LTBP1: variants seen among roughly 807,000 people sequenced by gnomAD.
The protein encoded by LTBP1 is latent-transforming growth factor beta-binding protein 1.
A neutral mutation model predicts 207.6 loss-of-function variants in LTBP1; 129 were observed. The observed-to-expected ratio is 0.62, with a 90% confidence interval of 0.54 to 0.72. The LOEUF is 0.72. LTBP1 is among the 30% of genes least tolerant of loss of function. The pLI is 0.00. For synonymous variants in LTBP1, 963 were observed against 833.7 expected (o/e 1.16, Z -2.67); for missense variants, 2,281 against 2,217.2 (o/e 1.03, Z -0.58).
At chr2:33,282,127 T>C (rs1227583327) in intron 19 of LTBP1, among the ~76,000 whole-genome samples, 3 of 151,492 alleles carry the variant, frequency 2.0e-5, no homozygotes, top group Admixed American at 6.6e-5. Context: ...CATTTAAAAC[T>C]AATTTTACTT....
intron 7 of LTBP1, among the ~76,000 whole-genome samples, chr2:33,193,522 A>T (rs1210082661): frequency 6.6e-6 from 1 of 152,160 alleles, no homozygotes; most frequent in African/African-American, 2.4e-5. Context: ...TTACAGGCAC[A>T]CTTTCTTTTA....
intron 3 of LTBP1, among the ~76,000 whole-genome samples, chr2:33,061,983 T>G (rs1366379064): frequency 5.9e-5 from 9 of 152,178 alleles, no homozygotes; most frequent in Non-Finnish European, 1.2e-4. Flanking sequence ...ATTGTCAGTC[T>G]TCTTCATGTT....
At position 32,969,648 on chromosome 2, in the gene LTBP1, C is replaced by T. The variant is rs1411889069; in HGVS notation, c.565+20703C>T. ...TGTAATATTCCATGGTATATACATA[C>T]CACATTTTTTCCTATCTAATCTACT... is the stretch of plus-strand genomic sequence containing the variant. On this transcript the variant is annotated intron_variant, in intron 2 of 33. Coordinates refer to ENST00000404816, the MANE Select transcript of LTBP1 (RefSeq NM_206943.4). Among the ~76,000 whole-genome samples, 3 of 152,112 alleles carry T rather than the reference C, an allele frequency of 2.0e-5. No homozygotes were observed. The South Asian group carries it at 6.2e-4, about 32-fold the overall frequency.
chr2:33,212,248 T>C (rs1159653285), intron 7 of LTBP1, among the ~76,000 whole-genome samples: 1 of 152,226 alleles, frequency 6.6e-6, no homozygotes, highest in Non-Finnish European at 1.5e-5. Flanking sequence ...AGTGCACTGC[T>C]GAATCAAGGC....
chr2:33,148,387 T>A (rs560518092), intron 5 of LTBP1, among the ~76,000 whole-genome samples: 3 of 152,378 alleles, frequency 2.0e-5, no homozygotes, highest in East Asian at 3.9e-4. Flanking sequence ...TTCTCTATGC[T>A]GAACTTGCCT....
intron 26 of LTBP1, among the ~76,000 whole-genome samples, chr2:33,350,116 T>G (rs2094760274): frequency 6.6e-6 from 1 of 152,242 alleles, no homozygotes; most frequent in Admixed American, 6.5e-5. Flanking sequence ...ATAAAAGTTT[T>G]TAGACTAGGA....
intron 3 of LTBP1, among the ~76,000 whole-genome samples, chr2:33,103,546 A>G (rs1475708909): frequency 1.1e-4 from 16 of 150,860 alleles, no homozygotes; most frequent in Non-Finnish European, 5.9e-5. Context: ...GTAATTCCAT[A>G]TGGATGGGGT....
chr2:32,992,642 T>C (rs1684597495), intron 2 of LTBP1, among the ~76,000 whole-genome samples: 1 of 152,172 alleles, frequency 6.6e-6, no homozygotes, highest in South Asian at 2.1e-4. Flanking sequence ...TTCGGCATCT[T>C]AGTCTGAAAA....
intron 8 of LTBP1, among the ~76,000 whole-genome samples, chr2:33,220,726 C>G (rs115983611): frequency 6.6e-6 from 1 of 152,218 alleles, no homozygotes; most frequent in South Asian, 2.1e-4. Context: ...TGCAGGATGC[C>G]TGCTCTAGAG....
At chr2:33,104,855 T>A (rs2079964241) in intron 3 of LTBP1, among the ~76,000 whole-genome samples, 1 of 152,180 alleles carries the variant, frequency 6.6e-6, no homozygotes, top group Non-Finnish European at 1.5e-5. Context: ...AGAGTGGCCC[T>A]TTCTTCTGAC....
At chr2:32,964,465 G>T (rs186194660) in intron 2 of LTBP1, among the ~76,000 whole-genome samples, 2 of 152,016 alleles carry the variant, frequency 1.3e-5, no homozygotes, top group African/African-American at 4.8e-5. Context: ...AAGTAGAAAG[G>T]CATTTTTTCC....
chr2:33,315,063 A>T, intron 23 of LTBP1, 81 bp from the exon 24 acceptor site: 7 of 1,148,760 alleles, frequency 6.1e-6, no homozygotes, highest in Non-Finnish European at 8.6e-6. Context: ...GTCATAATAG[A>T]TTTATTTGCC....
chr2:33,185,879 A>G (rs2087140096), intron 5 of LTBP1, among the ~76,000 whole-genome samples: 1 of 152,202 alleles, frequency 6.6e-6, no homozygotes, highest in South Asian at 2.1e-4. Context: ...AGAAGCTGGA[A>G]GGAAATGGAG....
At chr2:33,287,030 A>G (rs1020976297) in intron 19 of LTBP1, among the ~76,000 whole-genome samples, 1 of 152,250 alleles carries the variant, frequency 6.6e-6, no homozygotes, top group Non-Finnish European at 1.5e-5. Flanking sequence ...ATGTATACAT[A>G]TGTAACAAAC....
chr2:33,232,020 A>C (rs1427014228), intron 9 of LTBP1, among the ~76,000 whole-genome samples: 1 of 152,218 alleles, frequency 6.6e-6, no homozygotes, highest in African/African-American at 2.4e-5. Flanking sequence ...TCTGAAAATA[A>C]GGAAAAGTAA....
chr2:33,109,240 A>G (rs17012569), intron 3 of LTBP1, among the ~76,000 whole-genome samples: 10,111 of 152,296 alleles, frequency 0.066, 981 homozygotes, highest in East Asian at 0.47. Context: ...GAGACATTGT[A>G]CGGTGGTGTT....
At chr2:33,217,008 C>T (rs563909486) in intron 7 of LTBP1, among the ~76,000 whole-genome samples, 185 of 152,306 alleles carry the variant, frequency 1.2e-3, no homozygotes, top group African/African-American at 4.3e-3. Flanking sequence ...CTGGAGCCTT[C>T]GTCTCTGCTA....
chr2:33,079,886 TCTTTACTC>T (rs1158750994), intron 3 of LTBP1, among the ~76,000 whole-genome samples: 1 of 152,246 alleles, frequency 6.6e-6, no homozygotes, highest in Non-Finnish European at 1.5e-5. Context: ...TCCATATGCT[TCTTTACTC>T]CTTTTGACTT....
chr2:33,258,297 A>T (rs976227107), intron 12 of LTBP1, among the ~76,000 whole-genome samples: 2 of 152,222 alleles, frequency 1.3e-5, no homozygotes, highest in African/African-American at 4.8e-5. Flanking sequence ...TGTATGGAAT[A>T]GACGTATTTT....
Sources: gnomAD v4.1 joint callset for allele counts (sites outside exome capture counted in the v4.1 genomes callset) on GRCh38, gnomAD v4.1.1 for gene constraint, MANE v1.5 for transcripts, NCBI Gene and HGNC (gene_info 2026-07-23, HGNC 2026-07-21) for gene names.